Variants in ST6GAL1 observed in about 807,000 individuals in gnomAD.
The protein encoded by ST6GAL1 is ST6 beta-galactoside alpha-2,6-sialyltransferase 1.
A neutral mutation model predicts 38.0 loss-of-function variants in ST6GAL1; 20 were observed. That is an observed-to-expected ratio of 0.53 (90% CI 0.37 to 0.77). The LOEUF is 0.77. Among genes scored for constraint, ST6GAL1 ranks in the 30% least tolerant of loss-of-function variants. ST6GAL1 has a pLI of 0.00. For missense variants in ST6GAL1, 432 were observed against 496.4 expected (o/e 0.87, Z 1.23); for synonymous variants, 196 against 188.2 (o/e 1.04, Z -0.34).
At chr3:187,014,817 T>G (rs1717066497) in intron 2 of ST6GAL1, among the ~76,000 whole-genome samples, 1 of 152,212 alleles carries the variant, frequency 6.6e-6, no homozygotes, top group Non-Finnish European at 1.5e-5. Flanking sequence ...ATCCTTATGG[T>G]CATTGTTGCC....
At chr3:187,059,852 A>G (rs1462064064) in intron 5 of ST6GAL1, among the ~76,000 whole-genome samples, 2 of 152,208 alleles carry the variant, frequency 1.3e-5, no homozygotes, top group African/African-American at 4.8e-5. Flanking sequence ...AAATAAATAA[A>G]TTTGCAAAAA....
chr3:187,020,632 T>C (rs990586965), intron 2 of ST6GAL1, among the ~76,000 whole-genome samples: 3 of 152,234 alleles, frequency 2.0e-5, no homozygotes, highest in African/African-American at 7.2e-5. Context: ...TTCCCTCTAC[T>C]TGCAACCCTC....
intron 5 of ST6GAL1, among the ~76,000 whole-genome samples, chr3:187,063,001 T>C (rs559489849): frequency 9.2e-5 from 14 of 152,166 alleles, no homozygotes; most frequent in South Asian, 2.1e-4. Flanking sequence ...GTGATTCATT[T>C]TGGGAAGCTG....
chr3:187,012,579 C>G (rs578184806), intron 2 of ST6GAL1, among the ~76,000 whole-genome samples: 1 of 152,112 alleles, frequency 6.6e-6, no homozygotes, highest in Non-Finnish European at 1.5e-5. Context: ...ATTTGAACAC[C>G]AAGCAATTAG....
In ST6GAL1 at chr3:187,077,618, A is replaced by C. The variant is rs1199082298; in HGVS notation, c.*1815A>C. On this transcript the variant is annotated 3_prime_UTR_variant, in exon 8 of 8. Transcript: ENST00000169298. ...CTTGAGCCTGTTTCCACACCTGTAA[A>C]GTGGGGATGATGATCCTATCTCACT... 1 of 152,198 alleles carries C rather than the reference A, an allele frequency of 6.6e-6. No homozygotes were observed. Among genetic ancestry groups the C allele is most frequent in the East Asian group, 1.9e-4 (1 of 5,190 alleles). The allele number at this position is 152,198 out of a possible 1,614,324, so 9.4% of individuals were successfully genotyped here. A position where few individuals can be genotyped will look rare whatever the true frequency, so the allele number is the denominator to read the frequency against.
chr3:186,944,803 C>T (rs888012563), intron 1 of ST6GAL1, among the ~76,000 whole-genome samples: 11 of 152,146 alleles, frequency 7.2e-5, no homozygotes, highest in Admixed American at 2.0e-4. Flanking sequence ...TGCGGAGGCA[C>T]TCGTCGCTTT....
chr3:186,952,258 G>A lies in ST6GAL1; in HGVS notation c.-324-11527G>A, dbSNP rs1182804655. Among the ~76,000 whole-genome samples the A allele has an allele frequency of 1.3e-5, 2 of 152,008 alleles. No homozygotes were observed. Among genetic ancestry groups the A allele is most frequent in the African/African-American group, 4.8e-5 (2 of 41,360 alleles). ...TTAAACTCAACATGATCAGTCTTTT[G>A]TACCCATCACACCACCAAAACCATA... is the stretch of plus-strand genomic sequence containing the variant. On this transcript the variant is annotated intron_variant, in intron 1 of 7. Coordinates refer to ENST00000169298, the MANE Select transcript of ST6GAL1 (RefSeq NM_173216.2). This position sits in a 1 kb window ranked among gnomAD's most constrained non-coding sequence, Gnocchi z 4.1.
intron 2 of ST6GAL1, among the ~76,000 whole-genome samples, chr3:186,999,103 G>A (rs544154577): frequency 6.6e-6 from 1 of 152,208 alleles, no homozygotes; most frequent in African/African-American, 2.4e-5. Context: ...TGTTAAACTT[G>A]CTCTTGTGGA....
chr3:186,976,871 G>A (rs920793199), intron 2 of ST6GAL1, among the ~76,000 whole-genome samples: 2 of 152,120 alleles, frequency 1.3e-5, no homozygotes, highest in African/African-American at 4.8e-5. Flanking sequence ...CTCTCCCCAC[G>A]CATGTATTTC....
At chr3:186,993,579 TA>T (rs1203027787) in intron 2 of ST6GAL1, among the ~76,000 whole-genome samples, 1 of 147,580 alleles carries the variant, frequency 6.8e-6, no homozygotes, top group Non-Finnish European at 1.5e-5. Context: ...TTTATTTATT[TA>T]TTTATTTATT....
chr3:186,940,259 G>A (rs73069417), intron 1 of ST6GAL1, among the ~76,000 whole-genome samples: 13,302 of 151,666 alleles, frequency 0.088, 785 homozygotes, highest in African/African-American at 0.16. Flanking sequence ...AGACTGGGAG[G>A]CTTCTTCACA....
rs189973556 is a variant in ST6GAL1, at chr3:187,017,534, C to T, written c.-182-21208C>T. Among the ~76,000 whole-genome samples, 252 of 152,304 alleles carry T rather than the reference C, an allele frequency of 1.7e-3. 2 individuals carry two copies. The highest frequency in any genetic ancestry group is 3.4e-3 in the Admixed American group (52 of 15,290). The stretch of plus-strand genomic sequence containing the variant: ...AGGGCCTTGAAGCTCTCAGGACAGA[C>T]TTGAACAACCTTTTTCTCCTCCATG... On this transcript the variant is annotated intron_variant, in intron 2 of 7. Coordinates refer to ENST00000169298, the MANE Select transcript of ST6GAL1 (RefSeq NM_173216.2).
At chr3:187,039,327 C>A (rs978826365) in intron 3 of ST6GAL1, among the ~76,000 whole-genome samples, 1 of 152,188 alleles carries the variant, frequency 6.6e-6, no homozygotes, top group African/African-American at 2.4e-5. Context: ...GATACAATTG[C>A]ATCAGTTCAA....
At chr3:186,984,215 C>T (rs1416318348) in intron 2 of ST6GAL1, among the ~76,000 whole-genome samples, 3 of 152,204 alleles carry the variant, frequency 2.0e-5, no homozygotes, top group East Asian at 1.9e-4. Context: ...ACTTCTCTGC[C>T]TCCACTGCAA....
intron 2 of ST6GAL1, among the ~76,000 whole-genome samples, chr3:187,036,928 G>C (rs977600329): frequency 6.6e-6 from 1 of 152,190 alleles, no homozygotes; most frequent in African/African-American, 2.4e-5. Context: ...TTTCTTCTTT[G>C]TGTGCGTATT....
At chr3:186,978,772 C>T (rs1170142809) in intron 2 of ST6GAL1, among the ~76,000 whole-genome samples, 1 of 152,146 alleles carries the variant, frequency 6.6e-6, no homozygotes, top group East Asian at 1.9e-4. Context: ...AGCAGATGTC[C>T]TGTCGAAGAC....
intron 2 of ST6GAL1, among the ~76,000 whole-genome samples, chr3:186,973,167 C>A (rs1338929189): frequency 6.6e-6 from 1 of 152,188 alleles, no homozygotes; most frequent in Non-Finnish European, 1.5e-5. Context: ...TCCTGAGTAG[C>A]TGGGATTGCA....
At chr3:187,011,250 C>T (rs1238266222) in intron 2 of ST6GAL1, among the ~76,000 whole-genome samples, 1 of 152,200 alleles carries the variant, frequency 6.6e-6, no homozygotes, top group Admixed American at 6.5e-5. Flanking sequence ...CCGCCCACTT[C>T]GGCCTCCCAA....
chr3:186,986,392 T>C (rs1024160758), intron 2 of ST6GAL1: 1 of 152,448 alleles, frequency 6.6e-6, no homozygotes, highest in Non-Finnish European at 1.5e-5. Context: ...AGTAAATATT[T>C]GTTGAATACA....
Sources: allele counts gnomAD v4.1 joint callset (sites outside exome capture counted in the v4.1 genomes callset), GRCh38; gene constraint gnomAD v4.1.1; non-coding constraint Gnocchi (gnomAD v3.1); transcripts MANE v1.5; gene names NCBI Gene and HGNC (gene_info 2026-07-23, HGNC 2026-07-21).